The following SLC14A2 variants were observed in gnomAD, a reference collection of about 807,000 sequenced individuals.
SLC14A2 encodes the protein urea transporter 2.
Under a neutral mutation model 104.6 loss-of-function variants are expected in SLC14A2, and 91 were observed. The observed-to-expected ratio is 0.87, with a 90% CI of 0.73 to 1.04. SLC14A2 has a LOEUF of 1.04. SLC14A2 is among the 50% of genes least tolerant of loss of function. The pLI is 0.00. For missense variants in SLC14A2, 1,189 were observed against 1,156.0 expected (o/e 1.03, Z -0.41); for synonymous variants, 476 against 466.4 (o/e 1.02, Z -0.27).
chr18:45,356,877 T>C (rs1456465540), intron 1 of SLC14A2, among the ~76,000 whole-genome samples: 3 of 152,170 alleles, frequency 2.0e-5, no homozygotes, highest in African/African-American at 7.2e-5. Flanking sequence ...TGGAGCCAGA[T>C]ACAAGAAGCC....
intron 1 of SLC14A2, among the ~76,000 whole-genome samples, chr18:45,302,992 T>C (rs972463683): frequency 6.6e-6 from 1 of 152,042 alleles, no homozygotes; most frequent in South Asian, 2.1e-4. Flanking sequence ...AGGTTGTGGT[T>C]GATCAAGGAA....
Position 45,412,504 on chromosome 18 carries a change from T to C in SLC14A2, c.-124-70729T>C, listed in dbSNP as rs75513403. Reference sequence around the variant, plus strand: ...GGACTTTCACAGGAGCAAGGGCTCATGTGCCTGCTTTCATCATCACTTCTA... The same window carrying C: ...GGACTTTCACAGGAGCAAGGGCTCACGTGCCTGCTTTCATCATCACTTCTA... On this transcript the variant is annotated intron_variant, in intron 1 of 20. Coordinates refer to the SLC14A2 transcript ENST00000586448. 1.1e-3 allele frequency among the ~76,000 whole-genome samples: 167 copies of C among 152,318 alleles called. No homozygotes were observed. In the East Asian group the frequency reaches 0.026, roughly 24 times the overall value.
At chr18:45,240,262 A>G (rs1332140783) in intron 1 of SLC14A2, among the ~76,000 whole-genome samples, 1 of 149,830 alleles carries the variant, frequency 6.7e-6, no homozygotes, top group Admixed American at 6.6e-5. Flanking sequence ...ACACCCGGCT[A>G]ATTTTTTCTA....
chr18:45,633,079 T>C (rs1464037309), intron 5 of SLC14A2, among the ~76,000 whole-genome samples: 1 of 152,230 alleles, frequency 6.6e-6, no homozygotes, highest in Non-Finnish European at 1.5e-5. Context: ...TCCTAAGTTA[T>C]TCCTACATGC....
intron 1 of SLC14A2, among the ~76,000 whole-genome samples, chr18:45,461,837 C>T (rs1202673535): frequency 1.3e-5 from 2 of 152,216 alleles, no homozygotes; most frequent in African/African-American, 4.8e-5. Flanking sequence ...AAGATTGCAA[C>T]TCATCAATTC....
chr18:45,298,549 G>C (rs1469790446), intron 1 of SLC14A2, among the ~76,000 whole-genome samples: 2 of 152,090 alleles, frequency 1.3e-5, no homozygotes, highest in Non-Finnish European at 2.9e-5. Flanking sequence ...TCCAGCCCAT[G>C]GCCCTAATCA....
intron 1 of SLC14A2, among the ~76,000 whole-genome samples, chr18:45,353,709 TGA>T (rs1290639942): frequency 1.3e-5 from 2 of 152,270 alleles, no homozygotes; most frequent in African/African-American, 2.4e-5. Context: ...CTGGTGCGTT[TGA>T]GAGAGTCTGG....
chr18:45,222,358 G>T (rs940437425), intron 1 of SLC14A2, among the ~76,000 whole-genome samples: 2 of 152,186 alleles, frequency 1.3e-5, no homozygotes, highest in Non-Finnish European at 2.9e-5. Flanking sequence ...CATTTGGCGT[G>T]AGTCCTGTCC....
rs1244054544 is a variant in SLC14A2, at chr18:45,591,999, A to G, written c.-34-32632A>G. 2.0e-5 allele frequency among the ~76,000 whole-genome samples: 3 copies of G among 152,224 alleles called. No individual in the cohort carries two copies. In the East Asian group the frequency reaches 5.8e-4, roughly 29 times the overall value. ...ACCTCTTCAGCAGCATGCAATAGCCAGATGATACAGGAACAGAGAGTCCAA... is the reference window on the plus strand; with the variant it reads ...ACCTCTTCAGCAGCATGCAATAGCCGGATGATACAGGAACAGAGAGTCCAA... On this transcript the variant is annotated intron_variant, in intron 2 of 20. Transcript: ENST00000586448.
At chr18:45,560,763 C>A (rs978022693) in intron 2 of SLC14A2, among the ~76,000 whole-genome samples, 38 of 152,218 alleles carry the variant, frequency 2.5e-4, no homozygotes, top group African/African-American at 9.2e-4. Context: ...GTTGGAGCCC[C>A]CATACCCTCA....
intron 1 of SLC14A2, among the ~76,000 whole-genome samples, chr18:45,226,783 C>T (rs997739480): frequency 6.6e-6 from 1 of 151,802 alleles, no homozygotes; most frequent in Non-Finnish European, 1.5e-5. Context: ...GCATGTTGTG[C>T]ACATGTACCC....
chr18:45,446,925 C>T (rs1008039620), intron 1 of SLC14A2, among the ~76,000 whole-genome samples: 1 of 152,190 alleles, frequency 6.6e-6, no homozygotes, highest in Non-Finnish European at 1.5e-5. Context: ...CCTTCCCTCT[C>T]CCCCTCCCCA....
At chr18:45,416,778 T>G (rs1256383769) in intron 1 of SLC14A2, among the ~76,000 whole-genome samples, 1 of 152,176 alleles carries the variant, frequency 6.6e-6, no homozygotes, top group East Asian at 1.9e-4. Flanking sequence ...AACCAGCAGG[T>G]TTTTTCCTCT....
At chr18:45,538,355 A>G (rs889996912) in intron 2 of SLC14A2, among the ~76,000 whole-genome samples, 4 of 152,152 alleles carry the variant, frequency 2.6e-5, no homozygotes, top group African/African-American at 9.7e-5. Context: ...TTTTAATTAC[A>G]TGGGACAAAA....
At chr18:45,233,842 A>G (rs1402760069) in intron 1 of SLC14A2, among the ~76,000 whole-genome samples, 1 of 140,638 alleles carries the variant, frequency 7.1e-6, no homozygotes, top group Non-Finnish European at 1.5e-5. Flanking sequence ...TCCTTTATGT[A>G]AAAAAGTGGA....
chr18:45,673,893 A>T (rs2046183598), intron 18 of SLC14A2, 76 bp downstream of exon 18: 1 of 1,443,826 alleles, frequency 6.9e-7, no homozygotes, highest in Non-Finnish European at 9.6e-7. Context: ...ATGTTTTTTA[A>T]TGGTTATTTA....
At chr18:45,645,753 A>G (rs1599113246) in intron 10 of SLC14A2, among the ~76,000 whole-genome samples, 1 of 151,982 alleles carries the variant, frequency 6.6e-6, no homozygotes, top group South Asian at 2.1e-4. Flanking sequence ...ATAGCATAAA[A>G]GTAGCCATAG....
chr18:45,173,379 T>C, the SLC14A2 span, among the ~76,000 whole-genome samples: 24 of 152,118 alleles, frequency 1.6e-4, no homozygotes, highest in African/African-American at 5.8e-4. Context: ...GGAAATTCAG[T>C]ATCAATGTAA....
chr18:45,517,285 C>A (rs373761498), intron 2 of SLC14A2, among the ~76,000 whole-genome samples: 7 of 152,170 alleles, frequency 4.6e-5, no homozygotes, highest in African/African-American at 1.7e-4. Context: ...TCATGAGACG[C>A]GGCCCTGGCT....
Sources: gnomAD v4.1 joint callset for allele counts (sites outside exome capture counted in the v4.1 genomes callset) on GRCh38, gnomAD v4.1.1 for gene constraint, MANE v1.5 for transcripts, NCBI Gene and HGNC (gene_info 2026-07-23, HGNC 2026-07-21) for gene names.